Variants in PLD2 observed in about 807,000 individuals in gnomAD.
The protein encoded by PLD2 is phospholipase D2.
A neutral mutation model predicts 119.8 loss-of-function variants in PLD2; 101 were observed. That is an observed-to-expected ratio of 0.84 (90% CI 0.72 to 0.99). The LOEUF (loss-of-function observed/expected upper bound fraction) is 0.99, where lower values mean the gene tolerates loss of function less well. Ranked by LOEUF, PLD2 falls within the 50% of genes least tolerant of loss-of-function variation. The probability of loss-of-function intolerance (pLI) is 0.00; values close to 1 mark genes in which losing one functional copy is unlikely to be tolerated. For missense variants in PLD2, 1,164 were observed against 1,226.8 expected, an observed-to-expected ratio of 0.95 and a Z score of 0.76; for synonymous variants, 494 against 482.8, an observed-to-expected ratio of 1.02 and a Z score of -0.30.
intron 23 of PLD2, among the ~76,000 whole-genome samples, chr17:4,821,197 C>T (rs975194102): frequency 6.6e-5 from 8 of 121,514 alleles, no homozygotes; most frequent in African/African-American, 1.5e-4. Context: ...CCACCGTGCC[C>T]GGCCAAAAAA....
intron 10 of PLD2, among the ~76,000 whole-genome samples, chr17:4,813,154 C>T (rs1420508441): frequency 6.6e-6 from 1 of 152,096 alleles, no homozygotes; most frequent in South Asian, 2.1e-4. Flanking sequence ...GGATTACAGG[C>T]GTGCACCACT....
chr17:4,807,754 G>T lies in PLD2; in HGVS notation c.-1-18G>T. The T allele has an allele frequency of 6.8e-7, 1 of 1,463,684 alleles. No individual in the cohort carries two copies. Among genetic ancestry groups the T allele is most frequent in the Non-Finnish European group, 9.5e-7 (1 of 1,053,764 alleles). 90.7% of individuals were successfully genotyped at this position (1,463,684 alleles called of 1,614,324 possible). ...CTGCAGGACAGCTCGCCTCCCTGAG[G>T]CTTCCCAATGTTCCTAGGATGACGG... On this transcript the variant is annotated intron_variant, in intron 1 of 24. Coordinates refer to ENST00000263088, the MANE Select transcript of PLD2 (RefSeq NM_002663.5). This position sits in a 1 kb window ranked among gnomAD's most constrained non-coding sequence, Gnocchi z 5.4.
At chr17:4,816,301 T>C (rs1906964912) in intron 14 of PLD2, among the ~76,000 whole-genome samples, 1 of 151,566 alleles carries the variant, frequency 6.6e-6, no homozygotes, top group Non-Finnish European at 1.5e-5. Flanking sequence ...GAGAATCACT[T>C]GAACCCAGGA....
Position 4,818,612 on chromosome 17 carries a change from C to G in PLD2, c.2123+5C>G, listed in dbSNP as rs577326606. ...CATTCTGCACTTTACTTACAGGTGACCCCCCAGGCGGACTCCAGCTCTCAG... is the reference window on the plus strand; with the variant it reads ...CATTCTGCACTTTACTTACAGGTGAGCCCCCAGGCGGACTCCAGCTCTCAG... On this transcript the variant is annotated splice_donor_5th_base_variant and intron_variant, in intron 20 of 24. Transcript: ENST00000263088. 3 of 1,600,440 alleles carry G rather than the reference C, an allele frequency of 1.9e-6. No individual in the cohort carries two copies. Among genetic ancestry groups the G allele is most frequent in the Admixed American group, 1.7e-5 (1 of 59,976 alleles).
chr17:4,813,374 A>G (rs1906661351), intron 10 of PLD2, among the ~76,000 whole-genome samples: 1 of 152,218 alleles, frequency 6.6e-6, no homozygotes, highest in Non-Finnish European at 1.5e-5. Context: ...GAGATCATGC[A>G]ACCTCTTCTG....
rs759364410 is a variant in PLD2 at position 4,808,312 on chromosome 17, C to T, written c.279C>T (p.His93=). 6 of 1,614,106 alleles carry T rather than the reference C, an allele frequency of 3.7e-6. No homozygotes were observed. Among genetic ancestry groups the T allele is most frequent in the African/African-American group, 1.3e-5 (1 of 75,024 alleles). ...TCTLYSVRLT[H]GDFSWTTKKK... ...CTCTGTATTCTGTCCGCTTGACTCA[C>T]GGCGACTTTTCCTGGACAACCAAGA... Residue 93 remains histidine, a synonymous_variant, in exon 4 of 25, where the codon CAC becomes CAT. Coordinates refer to ENST00000263088, the MANE Select transcript of PLD2 (RefSeq NM_002663.5). The surrounding 1 kb of genome is among the most constrained non-coding windows in gnomAD (Gnocchi z 4.1).
intron 10 of PLD2, among the ~76,000 whole-genome samples, chr17:4,813,232 ACTC>A (rs1350957988): frequency 9.9e-5 from 15 of 151,800 alleles, no homozygotes; most frequent in Non-Finnish European, 1.6e-4. Context: ...CTGGTCACGA[ACTC>A]CTGACCTTAA....
rs1216144453 is a variant in PLD2, at chr17:4,810,965, AT to A, written c.1010+15del. 6.2e-7 allele frequency: 1 copy of A among 1,603,662 alleles called. No homozygotes were observed. The highest frequency in any genetic ancestry group is 8.5e-7 in the Non-Finnish European group (1 of 1,177,312). On this transcript the variant is annotated intron_variant, in intron 10 of 24. Coordinates refer to ENST00000263088, the MANE Select transcript of PLD2 (RefSeq NM_002663.5). ...CTTGGCCCGGTGGTGAGACACTGACATCCCTTCTGAGCTTGTCTGTGGCTTT... is the reference window on the plus strand; with the variant it reads ...CTTGGCCCGGTGGTGAGACACTGACACCCTTCTGAGCTTGTCTGTGGCTTT...
At position 4,815,829 on chromosome 17, in the gene PLD2, A is replaced by C; in HGVS notation, c.1350A>C (p.Gln450His). 1.2e-6 allele frequency: 2 copies of C among 1,614,024 alleles called. No homozygotes were observed. Among genetic ancestry groups the C allele is most frequent in the African/African-American group, 1.3e-5 (1 of 74,998 alleles). ...ATGAGAAGCTCCTGGTGGTGGACCAAGTGGTAGCATTCCTGGGGGGACTGG... is the reference window on the plus strand; with the variant it reads ...ATGAGAAGCTCCTGGTGGTGGACCACGTGGTAGCATTCCTGGGGGGACTGG... Reference protein sequence around the residue: ...AHHEKLLVVDQVVAFLGGLDL... With the variant: ...AHHEKLLVVDHVVAFLGGLDL... The change falls in exon 14 of 25, where the codon CAA becomes CAC. Residue 450 changes from glutamine (Q) to histidine (H), a missense_variant. Transcript: ENST00000263088.
chr17:4,819,958 T>C lies in PLD2; in HGVS notation c.2462+376T>C, dbSNP rs1440593393. Among the ~76,000 whole-genome samples the C allele has an allele frequency of 2.0e-5, 3 of 152,186 alleles. No homozygotes were observed. The highest frequency in any genetic ancestry group is 4.4e-5 in the Non-Finnish European group (3 of 68,034). On this transcript the variant is annotated intron_variant, in intron 23 of 24. Transcript: ENST00000263088. The surrounding 1 kb of genome is among the most constrained non-coding windows in gnomAD (Gnocchi z 4.2). The stretch of plus-strand genomic sequence containing the variant: ...AAACAAAAAGAGAAAAAAATCTTTT[T>C]TTTTTGAGACGGAGTTTTGCTCTTG...
At position 4,819,834 on chromosome 17, in the gene PLD2, T is replaced by C. The variant is rs1271397630; in HGVS notation, c.2462+252T>C. On this transcript the variant is annotated intron_variant, in intron 23 of 24. Coordinates refer to ENST00000263088, the MANE Select transcript of PLD2 (RefSeq NM_002663.5). This position sits in a 1 kb window ranked among gnomAD's most constrained non-coding sequence, Gnocchi z 4.2. ...CTAACATAGTGAAACCCGTCTCTACTAAAAATACAAAAAATCAGCTGGGTG... is the reference window on the plus strand; with the variant it reads ...CTAACATAGTGAAACCCGTCTCTACCAAAAATACAAAAAATCAGCTGGGTG... Among the ~76,000 whole-genome samples the C allele has an allele frequency of 1.3e-5, 2 of 152,046 alleles. No individual in the cohort carries two copies. The highest frequency in any genetic ancestry group is 1.9e-4 in the East Asian group (1 of 5,166).
At position 4,819,597 on chromosome 17, in the gene PLD2, G is replaced by A; in HGVS notation, c.2462+15G>A. 1 of 1,596,380 alleles carries A rather than the reference G, an allele frequency of 6.3e-7. No homozygotes were observed. Among genetic ancestry groups the A allele is most frequent in the Non-Finnish European group, 8.5e-7 (1 of 1,169,850 alleles). On this transcript the variant is annotated intron_variant, in intron 23 of 24. Coordinates refer to ENST00000263088, the MANE Select transcript of PLD2 (RefSeq NM_002663.5). This position sits in a 1 kb window ranked among gnomAD's most constrained non-coding sequence, Gnocchi z 4.2. ...CACTGCTTCGGGTAGAGCTGGGGCG[G>A]GATGCCACAGGGTGGGAGGGAGATG...
rs765009791 is a variant in PLD2, at chr17:4,821,803, G to A, written c.2473G>A (p.Gly825Arg). Reference sequence around the variant, plus strand: ...CCCTTTCTCCTATAGTGTGATTCTTGGAGCAAATACCCGGCCAGACTTGGA... The same window carrying A: ...CCCTTTCTCCTATAGTGTGATTCTTAGAGCAAATACCCGGCCAGACTTGGA... The part of the protein sequence containing the change: ...LRKHCFGVIL[G>R]ANTRPDLDLR... The change falls in exon 24 of 25, where the codon GGA (glycine) becomes AGA (arginine). Residue 825 changes from glycine to arginine, a missense_variant. Gly to Arg is a moderately radical substitution (Grantham distance 125). Transcript: ENST00000263088. 14 of 1,612,814 alleles carry A rather than the reference G, an allele frequency of 8.7e-6. No individual in the cohort carries two copies. The highest frequency in any genetic ancestry group is 3.3e-5 in the Admixed American group (2 of 59,966).
Position 4,807,459 on chromosome 17 carries a change from T to C in PLD2, c.-2+234T>C, listed in dbSNP as rs978683075. 4.4e-5 allele frequency: 11 copies of C among 251,256 alleles called. No individual in the cohort carries two copies. Among genetic ancestry groups the C allele is most frequent in the Non-Finnish European group, 6.2e-5 (8 of 128,508 alleles). The allele number at this position is 251,256 out of a possible 1,614,324, so 15.6% of individuals were successfully genotyped here. A position where few individuals can be genotyped will look rare whatever the true frequency, so the allele number is the denominator to read the frequency against. The stretch of plus-strand genomic sequence containing the variant: ...GCTCTCCGGACCACCCAGGGCCGCT[T>C]CCCCGCGCAGCTGCTGCGCCGCCCC... On this transcript the variant is annotated intron_variant, in intron 1 of 24. Coordinates refer to ENST00000263088, the MANE Select transcript of PLD2 (RefSeq NM_002663.5). This position sits in a 1 kb window ranked among gnomAD's most constrained non-coding sequence, Gnocchi z 5.4.
chr17:4,816,865 C>G, intron 15 of PLD2, 72 bp from the exon 16 acceptor site: 1 of 1,572,562 alleles, frequency 6.4e-7, no homozygotes, highest in Non-Finnish European at 8.7e-7. Flanking sequence ...CTGGCAGGCT[C>G]TTTCTCCCTG....
intron 10 of PLD2, 105 bp downstream of exon 10, chr17:4,811,056 T>A: frequency 9.3e-7 from 1 of 1,075,878 alleles, no homozygotes; most frequent in Non-Finnish European, 1.3e-6. Context: ...CCTCCTGACC[T>A]CAATGACCCG....
chr17:4,809,669 T>A (rs764933474), intron 7 of PLD2, 22 bp from the exon 8 acceptor site: 6 of 1,613,414 alleles, frequency 3.7e-6, no homozygotes, highest in Non-Finnish European at 5.1e-6. Context: ...TCATCCCGCC[T>A]CTCTTCCTGA....
At position 4,819,567 on chromosome 17, in the gene PLD2, G is replaced by A. The variant is rs774247595; in HGVS notation, c.2447G>A (p.Arg816Gln). ...YQAGRFALSL[R>Q]KHCFGVILGA... is the part of the protein sequence containing the mutation. ...GCGGGCAGGTTTGCCTTGAGTCTGC[G>A]GAAGCACTGCTTCGGGTAGAGCTGG... Residue 816 changes from arginine to glutamine, a missense_variant, in exon 23 of 25, where the codon CGG (arginine) becomes CAG (glutamine). By Grantham distance (43) the Arg-to-Gln change is conservative. Coordinates refer to ENST00000263088, the MANE Select transcript of PLD2 (RefSeq NM_002663.5). This position sits in a 1 kb window ranked among gnomAD's most constrained non-coding sequence, Gnocchi z 4.2. 8.1e-5 allele frequency: 131 copies of A among 1,611,734 alleles called. No individual in the cohort carries two copies. Among genetic ancestry groups the A allele is most frequent in the Admixed American group, 1.3e-4 (8 of 59,844 alleles).
At chr17:4,814,849 C>G (rs1906815952) in intron 12 of PLD2, 138 bp downstream of exon 12, 2 of 744,082 alleles carry the variant, frequency 2.7e-6, no homozygotes, top group South Asian at 1.6e-5. Context: ...CAGCACCTGT[C>G]AGACATCACC....
Sources: allele counts gnomAD v4.1 joint callset (sites outside exome capture counted in the v4.1 genomes callset), GRCh38; gene constraint gnomAD v4.1.1; non-coding constraint Gnocchi (gnomAD v3.1); transcripts MANE v1.5; gene names NCBI Gene and HGNC (gene_info 2026-07-23, HGNC 2026-07-21).